ACYP2: variants seen among roughly 807,000 people sequenced by gnomAD.
ACYP2 encodes the protein acylphosphatase-2.
In ACYP2, 12 loss-of-function variants were observed where a neutral mutation model predicts 11.2. The observed-to-expected ratio is 1.08, with a 90% CI of 0.69 to 1.74. The LOEUF (loss-of-function observed/expected upper bound fraction) is 1.74, where lower values mean the gene tolerates loss of function less well. Ranked by LOEUF, ACYP2 falls within the 40% of genes most tolerant of loss-of-function variation. The pLI is 0.00. For synonymous variants in ACYP2, 43 were observed against 32.2 expected (o/e 1.33, Z -1.13); for missense variants, 134 against 101.9 (o/e 1.31, Z -1.35).
At chr2:54,182,516 A>G (rs915654686) in intron 6 of ACYP2, among the ~76,000 whole-genome samples, 3 of 150,218 alleles carry the variant, frequency 2.0e-5, no homozygotes, top group South Asian at 2.1e-4. Flanking sequence ...TATTTTTTCT[A>G]TTTTTTTTGT....
chr2:54,251,731 T>C (rs1687235354), intron 6 of ACYP2, among the ~76,000 whole-genome samples: 1 of 152,186 alleles, frequency 6.6e-6, no homozygotes, highest in African/African-American at 2.4e-5. Context: ...GCAGGTGTGC[T>C]TATAGTCTTG....
chr2:54,029,063 G>A (rs1388183605), intron 2 of ACYP2, among the ~76,000 whole-genome samples: 1 of 152,122 alleles, frequency 6.6e-6, no homozygotes, highest in East Asian at 1.9e-4. Flanking sequence ...TACTCAGGAG[G>A]CCGAGGTAGG....
At chr2:53,992,042 C>G (rs1332843075) in intron 2 of ACYP2, among the ~76,000 whole-genome samples, 1 of 151,520 alleles carries the variant, frequency 6.6e-6, no homozygotes, top group Non-Finnish European at 1.5e-5. Context: ...TTCCTTCCTC[C>G]CTCCTTCCCT....
chr2:54,120,169 TC>T (rs1471049428), intron 4 of ACYP2, among the ~76,000 whole-genome samples: 11 of 152,160 alleles, frequency 7.2e-5, no homozygotes, highest in African/African-American at 2.7e-4. Context: ...CTCTTTTTTT[TC>T]TCTCTCTCTT....
intron 2 of ACYP2, among the ~76,000 whole-genome samples, chr2:54,041,835 C>T (rs989644083): frequency 6.6e-6 from 1 of 151,920 alleles, no homozygotes; most frequent in South Asian, 2.1e-4. Context: ...CTGTTGCCCA[C>T]GTTGGAGTAC....
chr2:54,191,041 A>G (rs535340696), intron 6 of ACYP2, among the ~76,000 whole-genome samples: 2 of 152,172 alleles, frequency 1.3e-5, no homozygotes, highest in Admixed American at 6.5e-5. Flanking sequence ...CTAGATATCA[A>G]TTTCTCATGC....
intron 6 of ACYP2, among the ~76,000 whole-genome samples, chr2:54,217,715 A>G (rs1685616946): frequency 6.6e-6 from 1 of 152,134 alleles, no homozygotes; most frequent in Admixed American, 6.5e-5. Context: ...TGAATCTTTA[A>G]CATGATAAAG....
intron 2 of ACYP2, among the ~76,000 whole-genome samples, chr2:53,989,104 G>A (rs1038687810): frequency 2.0e-5 from 3 of 151,746 alleles, no homozygotes; most frequent in African/African-American, 7.3e-5. Flanking sequence ...AGTCCCAGTA[G>A]GAATATTCCA....
Position 54,052,046 on chromosome 2 carries a change from CAATAAATAAATA to C in ACYP2, c.155+1021_155+1032del, listed in dbSNP as rs58161337. Among the ~76,000 whole-genome samples the C allele has an allele frequency of 3.7e-4, 52 of 141,154 alleles. No homozygotes were observed. In the East Asian group the frequency reaches 4.5e-3, roughly 12 times the overall value. The allele number at this position is 141,154 out of a possible 152,430, so 92.6% of individuals were successfully genotyped here. On this transcript the variant is annotated intron_variant, in intron 3 of 6. Coordinates refer to ENST00000607452, the MANE Select transcript of ACYP2 (RefSeq NM_001320586.2). The stretch of plus-strand genomic sequence containing the variant: ...TGGGCGACAGAGCAAGACTCTGTCT[CAATAAATAAATA>C]AATAAATAAATAAATAAATAAATAG...
chr2:54,201,082 C>T (rs1684731966), intron 6 of ACYP2, among the ~76,000 whole-genome samples: 2 of 150,932 alleles, frequency 1.3e-5, no homozygotes, highest in African/African-American at 4.9e-5. Context: ...ATTCTTTGCC[C>T]ATTAAAAAAT....
At chr2:54,290,751 G>T (rs1402187772) in intron 6 of ACYP2, among the ~76,000 whole-genome samples, 1 of 152,160 alleles carries the variant, frequency 6.6e-6, no homozygotes, top group African/African-American at 2.4e-5. Context: ...GGGTGAAAAC[G>T]CAGGCGTGTC....
chr2:54,281,518 A>G (rs888813451), intron 6 of ACYP2, among the ~76,000 whole-genome samples: 1 of 152,154 alleles, frequency 6.6e-6, no homozygotes, highest in Non-Finnish European at 1.5e-5. Flanking sequence ...GTCGAGTAAG[A>G]CTTCCCATCT....
chr2:54,107,755 C>T (rs981962173), intron 4 of ACYP2, among the ~76,000 whole-genome samples: 3 of 152,090 alleles, frequency 2.0e-5, no homozygotes, highest in African/African-American at 7.2e-5. Flanking sequence ...TGAATCAAAA[C>T]CTTTGGGCAT....
intron 4 of ACYP2, among the ~76,000 whole-genome samples, chr2:54,069,358 C>T (rs1676897797): frequency 6.6e-6 from 1 of 152,188 alleles, no homozygotes; most frequent in Non-Finnish European, 1.5e-5. Context: ...ACATCTCCCA[C>T]TGCTAAAACA....
chr2:54,082,768 C>A (rs567522517), intron 4 of ACYP2: 1 of 152,080 alleles, frequency 6.6e-6, no homozygotes, highest in South Asian at 2.1e-4. Context: ...AACTCAAGTT[C>A]CTAGGTAGGA....
intron 2 of ACYP2, among the ~76,000 whole-genome samples, chr2:54,024,140 A>C (rs1313403980): frequency 6.6e-6 from 1 of 152,130 alleles, no homozygotes; most frequent in Non-Finnish European, 1.5e-5. Flanking sequence ...TTGGGAGGCT[A>C]AAGTGGGTGG....
At chr2:54,297,145 CT>C (rs1313608889) in intron 6 of ACYP2, among the ~76,000 whole-genome samples, 4 of 151,406 alleles carry the variant, frequency 2.6e-5, no homozygotes, top group Non-Finnish European at 5.9e-5. Flanking sequence ...TGCACACTTA[CT>C]GTAGAAATTT....
intron 6 of ACYP2, among the ~76,000 whole-genome samples, chr2:54,224,766 T>A (rs1042325435): frequency 6.6e-6 from 1 of 152,244 alleles, no homozygotes; most frequent in South Asian, 2.1e-4. Flanking sequence ...AATTTGACCT[T>A]CCTAAACTTC....
chr2:54,201,638 C>CTT (rs1558608826), intron 6 of ACYP2, among the ~76,000 whole-genome samples: 1,409 of 59,726 alleles, frequency 0.024, 28 homozygotes, highest in East Asian at 0.057. Context: ...CTTTCTTTCT[C>CTT]TTTCTTTCTT....
Sources: gnomAD v4.1 joint callset for allele counts (sites outside exome capture counted in the v4.1 genomes callset) on GRCh38, gnomAD v4.1.1 for gene constraint, MANE v1.5 for transcripts, NCBI Gene and HGNC (gene_info 2026-07-23, HGNC 2026-07-21) for gene names.